CA1: variants seen among roughly 807,000 people sequenced by gnomAD.
CA1 encodes the protein carbonic anhydrase 1.
CA1 carries 27 observed loss-of-function variants against 28.8 expected under a neutral mutation model. That is an observed-to-expected ratio of 0.94 (90% CI 0.69 to 1.29). CA1 has a LOEUF of 1.29. Ranked by LOEUF, CA1 falls within the 50% of genes most tolerant of loss-of-function variation. The pLI is 0.00. For missense variants in CA1, 335 were observed against 310.5 expected, an observed-to-expected ratio of 1.08 and a Z score of -0.59; for synonymous variants, 121 against 108.8, an observed-to-expected ratio of 1.11 and a Z score of -0.70.
intron 1 of CA1, chr8:85,342,755 G>T: frequency 6.6e-6 from 1 of 152,322 alleles, no homozygotes; most frequent in Non-Finnish European, 1.5e-5. Context: ...CTACCATAGT[G>T]ATGCTTTTTT....
At chr8:85,332,685 G>A (rs1995058) in intron 5 of CA1, 133 bp from the exon 6 acceptor site, 382,467 of 687,344 alleles carry the variant, frequency 0.56, 109,825 homozygotes, top group African/African-American at 0.81. Flanking sequence ...TAGAAGGGGA[G>A]ATTTTTCAAG....
At chr8:85,365,716 C>CG (rs1809979653) in intron 1 of CA1, among the ~76,000 whole-genome samples, 1 of 152,066 alleles carries the variant, frequency 6.6e-6, no homozygotes. Flanking sequence ...TTTTTAAGTT[C>CG]GGGGAGAACA....
chr8:85,375,652 G>C (rs189632530), intron 1 of CA1, among the ~76,000 whole-genome samples: 1 of 152,172 alleles, frequency 6.6e-6, no homozygotes, highest in Non-Finnish European at 1.5e-5. Context: ...TCTTGGAGAG[G>C]AATAAAATCC....
At chr8:85,346,239 A>G (rs1422717303) in intron 1 of CA1, among the ~76,000 whole-genome samples, 1 of 152,196 alleles carries the variant, frequency 6.6e-6, no homozygotes, top group African/African-American at 2.4e-5. Context: ...GAGAATATCT[A>G]GTGAACTTTT....
chr8:85,351,870 A>G (rs1455960461), intron 1 of CA1: 2 of 152,208 alleles, frequency 1.3e-5, no homozygotes, highest in South Asian at 2.1e-4. Flanking sequence ...ATGACATACC[A>G]TAAAGATTTT....
At chr8:85,350,442 C>T (rs1452806782) in intron 1 of CA1, among the ~76,000 whole-genome samples, 1 of 152,152 alleles carries the variant, frequency 6.6e-6, no homozygotes, top group Admixed American at 6.5e-5. Flanking sequence ...ATTGCATCGC[C>T]TTGCACCTAG....
chr8:85,329,727 T>C lies in CA1; in HGVS notation c.631A>G (p.Ile211Val). The change falls in exon 7 of 8, where the codon ATC becomes GTC. Residue 211 changes from isoleucine (I) to valine (V), a missense_variant. Transcript: ENST00000523022. Reference protein sequence around the residue: ...HPPLYESVTWIICKESISVSS... With the variant: ...HPPLYESVTWVICKESISVSS... Reference sequence around the variant, plus strand: ...ACACTGATGCTCTCCTTACAGATGATCCAAGTTACACTCTCATAAAGAGGA... The same window carrying C: ...ACACTGATGCTCTCCTTACAGATGACCCAAGTTACACTCTCATAAAGAGGA... 6.2e-7 allele frequency: 1 copy of C among 1,610,086 alleles called. No individual in the cohort carries two copies. The highest frequency in any genetic ancestry group is 8.5e-7 in the Non-Finnish European group (1 of 1,177,944).
intron 3 of CA1, chr8:85,337,893 C>T (rs1024837988): frequency 3.3e-5 from 12 of 368,224 alleles, no homozygotes; most frequent in Non-Finnish European, 6.3e-5. Context: ...CATACTCATC[C>T]CAATTAGAAA....
At position 85,329,809 on chromosome 8, in the gene CA1, A is replaced by G; in HGVS notation, c.549T>C (p.Ser183=). The change falls in exon 7 of 8, where the codon TCT becomes TCC. Residue 183 remains serine, a synonymous_variant. Transcript: ENST00000523022. Reference sequence around the variant, plus strand: ...AATCCAGGGATGAAGGAAGGAGAGTAGAGGGGTCAAAATTTGTGAATGGGG... The same window carrying G: ...AATCCAGGGATGAAGGAAGGAGAGTGGAGGGGTCAAAATTTGTGAATGGGG... The part of the protein sequence containing the change: ...KRAPFTNFDP[S]TLLPSSLDFW... The G allele has an allele frequency of 6.2e-7, 1 of 1,600,190 alleles. No homozygotes were observed. Among genetic ancestry groups the G allele is most frequent in the Non-Finnish European group, 8.5e-7 (1 of 1,171,968 alleles).
chr8:85,366,822 A>G (rs1250654442), intron 1 of CA1, among the ~76,000 whole-genome samples: 1 of 152,230 alleles, frequency 6.6e-6, no homozygotes, highest in Non-Finnish European at 1.5e-5. Flanking sequence ...GATTTTGCAT[A>G]TAAAATTTTT....
At chr8:85,362,595 G>GA (rs1809841442) in intron 1 of CA1, among the ~76,000 whole-genome samples, 1 of 152,140 alleles carries the variant, frequency 6.6e-6, no homozygotes, top group African/African-American at 2.4e-5. Flanking sequence ...ACTGAGAGCT[G>GA]AAAAAGATTC....
At position 85,359,364 on chromosome 8, in the gene CA1, G is replaced by A. The variant is rs111710955; in HGVS notation, c.-24-17705C>T. 4.3e-3 allele frequency among the ~76,000 whole-genome samples: 654 copies of A among 152,318 alleles called. 6 individuals carry two copies. Among genetic ancestry groups the A allele is most frequent in the African/African-American group, 0.015 (615 of 41,560 alleles). On this transcript the variant is annotated intron_variant, in intron 1 of 7. Transcript: ENST00000523022. ...AGAATTAACATGGTGGGTTTTGATT[G>A]GAGTGGAGTATGGGGAGAATCTATT...
At chr8:85,332,606 T>A in intron 5 of CA1, 54 bp from the exon 6 acceptor site, 1 of 1,333,698 alleles carries the variant, frequency 7.5e-7, no homozygotes, top group South Asian at 1.2e-5. Context: ...AATCGAACAC[T>A]GCTTAGCTAA....
chr8:85,358,379 G>C (rs1013560019), intron 1 of CA1, among the ~76,000 whole-genome samples: 1 of 151,812 alleles, frequency 6.6e-6, no homozygotes, highest in African/African-American at 2.4e-5. Context: ...TTATTTTTTC[G>C]GAGCTTTTAT....
chr8:85,350,474 G>A (rs1809366302), intron 1 of CA1, among the ~76,000 whole-genome samples: 1 of 152,184 alleles, frequency 6.6e-6, no homozygotes, highest in Non-Finnish European at 1.5e-5. Flanking sequence ...CTGTGATGGA[G>A]TTCCTTAATA....
intron 1 of CA1, among the ~76,000 whole-genome samples, chr8:85,377,790 G>A (rs1810472203): frequency 6.6e-6 from 1 of 150,998 alleles, no homozygotes; most frequent in Non-Finnish European, 1.5e-5. Flanking sequence ...GCTGCCAAGT[G>A]AGACTCTGTC....
chr8:85,347,423 A>T (rs1456668072), intron 1 of CA1, among the ~76,000 whole-genome samples: 1 of 152,214 alleles, frequency 6.6e-6, no homozygotes, highest in Non-Finnish European at 1.5e-5. Flanking sequence ...AATTACCAAG[A>T]GGTGTATTTC....
Position 85,341,608 on chromosome 8 carries a change from C to T in CA1, c.28G>A (p.Asp10Asn), listed in dbSNP as rs777216408. The T allele has an allele frequency of 1.5e-5, 24 of 1,594,618 alleles. No homozygotes were observed. The highest frequency in any genetic ancestry group is 2.0e-5 in the Non-Finnish European group (23 of 1,162,584). The change falls in exon 2 of 8, where the codon GAC becomes AAC. Residue 10 changes from aspartate (D) to asparagine (N), a missense_variant. Coordinates refer to ENST00000523022, the MANE Select transcript of CA1 (RefSeq NM_001128831.4). MASPDWGYD[D>N]KNGPEQWSKL... is the part of the protein sequence containing the mutation. ...ACAGGAGAACTCTTACCATTTTTGTCATCATATCCCCAGTCTGGACTTGCC... is the reference window on the plus strand; with the variant it reads ...ACAGGAGAACTCTTACCATTTTTGTTATCATATCCCCAGTCTGGACTTGCC...
Position 85,370,555 on chromosome 8 carries a change from G to C in CA1, c.-25+7491C>G, listed in dbSNP as rs572413646. Among the ~76,000 whole-genome samples, 6 of 152,154 alleles carry C rather than the reference G, an allele frequency of 3.9e-5. No individual in the cohort carries two copies. In the East Asian group the frequency reaches 1.2e-3, roughly 29 times the overall value. On this transcript the variant is annotated intron_variant, in intron 1 of 7. Transcript: ENST00000523022. ...TGTAGTTAGAGATTAAAACATTCTA[G>C]CTCATTTCTGTAAATATGGAACTCA...
Sources: allele counts gnomAD v4.1 joint callset (sites outside exome capture counted in the v4.1 genomes callset), GRCh38; gene constraint gnomAD v4.1.1; transcripts MANE v1.5; gene names NCBI Gene and HGNC (gene_info 2026-07-23, HGNC 2026-07-21).